The following FANCM variants were observed in gnomAD, a reference collection of about 807,000 sequenced individuals.
FANCM encodes the protein Fanconi anemia group M protein.
FANCM carries 140 observed loss-of-function variants against 199.5 expected under a neutral mutation model. The ratio of observed to expected loss-of-function variants is 0.70; its 90% CI spans 0.61 to 0.81. The LOEUF (loss-of-function observed/expected upper bound fraction) is 0.81, where lower values mean the gene tolerates loss of function less well. Among genes scored for constraint, FANCM ranks in the 30% least tolerant of loss-of-function variants. The pLI is 0.00. For missense variants in FANCM, 2,410 were observed against 2,421.4 expected (o/e 1.00, Z 0.10); for synonymous variants, 840 against 836.8 (o/e 1.00, Z -0.07).
At chr14:45,168,109 T>C (rs1888105314) in intron 11 of FANCM, among the ~76,000 whole-genome samples, 1 of 152,218 alleles carries the variant, frequency 6.6e-6, no homozygotes, top group Admixed American at 6.5e-5. Context: ...ATACCTTTTA[T>C]GTTTGTTCAA....
chr14:45,182,200 A>T (rs1438813746), intron 16 of FANCM, among the ~76,000 whole-genome samples: 1 of 152,220 alleles, frequency 6.6e-6, no homozygotes, highest in Non-Finnish European at 1.5e-5. Context: ...GTTAAACCTT[A>T]AACTGTATTT....
chr14:45,169,084 G>T (rs2139221321), intron 11 of FANCM, among the ~76,000 whole-genome samples: 1 of 151,810 alleles, frequency 6.6e-6, no homozygotes, highest in South Asian at 2.1e-4. Flanking sequence ...ACCACACCTG[G>T]CTCATTTTTA....
intron 2 of FANCM, 101 bp downstream of exon 2, chr14:45,137,342 TA>T (rs1002949220): frequency 7.4e-5 from 68 of 922,006 alleles, no homozygotes; most frequent in Middle Eastern, 3.1e-4. Context: ...AATATTATTA[TA>T]AAAAGCCTTT....
In FANCM at chr14:45,153,902, C is replaced by T. The variant is rs1312919356; in HGVS notation, c.1051-18C>T. On this transcript the variant is annotated intron_variant, in intron 5 of 22. Coordinates refer to ENST00000267430, the MANE Select transcript of FANCM (RefSeq NM_020937.4). ...CATTTATTTCTCTGGTTAAATTTGA[C>T]ATATGCTGTTTTTCTAGGGAATACA... The T allele has an allele frequency of 1.9e-6, 3 of 1,604,408 alleles. No individual in the cohort carries two copies. The highest frequency in any genetic ancestry group is 1.7e-5 in the Admixed American group (1 of 59,972).
intron 11 of FANCM, chr14:45,167,413 A>T: frequency 2.2e-6 from 1 of 462,354 alleles, no homozygotes; most frequent in Non-Finnish European, 3.9e-6. Context: ...AATGTTCTCC[A>T]TAAAGTTTAG....
intron 12 of FANCM, among the ~76,000 whole-genome samples, chr14:45,171,554 C>G (rs945901276): frequency 6.6e-6 from 1 of 152,068 alleles, no homozygotes; most frequent in Admixed American, 6.6e-5. Context: ...TTAGCTCTTA[C>G]TTCTAAATGG....
At chr14:45,170,777 TC>T (rs538396321) in intron 12 of FANCM, 31 bp downstream of exon 12, 126 of 1,574,018 alleles carry the variant, frequency 8.0e-5, no homozygotes, top group Admixed American at 8.4e-5. Context: ...GATGTTCTTT[TC>T]CCCCCCCTCA....
rs1889209053 is a variant in FANCM, at chr14:45,183,768, T to C, written c.4387-6T>C. ...CTTATGCAAGAATTTTGTCGAATTATTATAGTCAGAATTATCATCTAGTGA... is the reference window on the plus strand; with the variant it reads ...CTTATGCAAGAATTTTGTCGAATTACTATAGTCAGAATTATCATCTAGTGA... On this transcript the variant is annotated splice_polypyrimidine_tract_variant and splice_region_variant and intron_variant, in intron 16 of 22. Transcript: ENST00000267430. 1.2e-6 allele frequency: 2 copies of C among 1,603,298 alleles called. No homozygotes were observed.
At chr14:45,154,141 C>T (rs1887015994) in intron 6 of FANCM, 89 bp downstream of exon 6, 2 of 1,000,344 alleles carry the variant, frequency 2.0e-6, no homozygotes, top group Admixed American at 1.8e-5. Flanking sequence ...TGGCTCATTT[C>T]TGTAATCCCA....
intron 20 of FANCM, among the ~76,000 whole-genome samples, chr14:45,189,967 C>CAA (rs1159340500): frequency 8.0e-5 from 7 of 87,772 alleles, no homozygotes; most frequent in African/African-American, 1.7e-4. Context: ...GACTCCATCT[C>CAA]AAAAAAAAAA....
At chr14:45,137,001 C>A in intron 1 of FANCM, 68 bp from the exon 2 acceptor site, 1 of 1,204,280 alleles carries the variant, frequency 8.3e-7, no homozygotes, top group African/African-American at 1.5e-5. Context: ...TCTGAAAAAG[C>A]CAGACTATTT....
At chr14:45,137,019 A>G in intron 1 of FANCM, 50 bp from the exon 2 acceptor site, 1 of 1,360,858 alleles carries the variant, frequency 7.3e-7, no homozygotes, top group Non-Finnish European at 1.0e-6. Flanking sequence ...TTTATATTTT[A>G]TAGATAACAG....
At chr14:45,187,543 C>T (rs1455083527) in intron 18 of FANCM, among the ~76,000 whole-genome samples, 1 of 152,036 alleles carries the variant, frequency 6.6e-6, no homozygotes, top group Non-Finnish European at 1.5e-5. Context: ...ATAGATAAAG[C>T]AGGGAACTTA....
At chr14:45,153,230 C>G (rs1886946431) in intron 5 of FANCM, among the ~76,000 whole-genome samples, 1 of 152,152 alleles carries the variant, frequency 6.6e-6, no homozygotes, top group African/African-American at 2.4e-5. Flanking sequence ...AGCACAAGGC[C>G]TCTTAGCCAA....
At chr14:45,148,200 AACACAC>A (rs200351777) in intron 3 of FANCM, among the ~76,000 whole-genome samples, 85 of 142,436 alleles carry the variant, frequency 6.0e-4, no homozygotes, top group African/African-American at 1.8e-3. Context: ...CCGTCTCAAA[AACACAC>A]ACACACACAC....
At chr14:45,149,329 G>A (rs1021536001) in intron 4 of FANCM, among the ~76,000 whole-genome samples, 2 of 151,762 alleles carry the variant, frequency 1.3e-5, no homozygotes, top group Non-Finnish European at 2.9e-5. Context: ...AGTAGACAAA[G>A]CATAAGTGTA....
intron 14 of FANCM, among the ~76,000 whole-genome samples, chr14:45,177,503 T>G (rs902863408): frequency 9.9e-5 from 15 of 152,168 alleles, no homozygotes; most frequent in Admixed American, 9.8e-4. Flanking sequence ...GTGATTTTCC[T>G]GCCTCAGCCT....
At chr14:45,174,823 C>T (rs1888559114) in intron 13 of FANCM, among the ~76,000 whole-genome samples, 1 of 151,976 alleles carries the variant, frequency 6.6e-6, no homozygotes, top group Non-Finnish European at 1.5e-5. Context: ...CAAATAGTTA[C>T]CAAGGGTCTT....
At chr14:45,180,365 G>C (rs1247448420) in intron 14 of FANCM, among the ~76,000 whole-genome samples, 1 of 152,068 alleles carries the variant, frequency 6.6e-6, no homozygotes, top group African/African-American at 2.4e-5. Context: ...TCATACTGCT[G>C]TTAGTAGGAG....
Sources: gnomAD v4.1 joint callset for allele counts (sites outside exome capture counted in the v4.1 genomes callset) on GRCh38, gnomAD v4.1.1 for gene constraint, MANE v1.5 for transcripts, NCBI Gene and HGNC (gene_info 2026-07-23, HGNC 2026-07-21) for gene names.